Variants in NRXN1 observed in about 807,000 individuals in gnomAD.
The protein encoded by NRXN1 is neurexin 1.
A neutral mutation model predicts 150.9 loss-of-function variants in NRXN1; 39 were observed. The observed-to-expected ratio is 0.26, with a 90% confidence interval of 0.20 to 0.34. The LOEUF (loss-of-function observed/expected upper bound fraction) is 0.34. Ranked by LOEUF, NRXN1 falls within the 10% of genes least tolerant of loss-of-function variation. NRXN1 has a pLI of 1.00. For missense variants in NRXN1, 1,815 were observed against 1,949.9 expected, an observed-to-expected ratio of 0.93 and a Z score of 1.30; for synonymous variants, 924 against 757.0, an observed-to-expected ratio of 1.22 and a Z score of -3.62.
At chr2:50,098,976 A>C (rs1280930917) in intron 18 of NRXN1, among the ~76,000 whole-genome samples, 1 of 151,276 alleles carries the variant, frequency 6.6e-6, no homozygotes, top group Non-Finnish European at 1.5e-5. Flanking sequence ...ATTTAGGAGT[A>C]ATACATTTTT....
intron 15 of NRXN1, among the ~76,000 whole-genome samples, chr2:50,481,760 CT>C (rs758265489): frequency 2.8e-4 from 23 of 82,960 alleles, no homozygotes; most frequent in East Asian, 1.9e-3. Context: ...ACTTTTGTTT[CT>C]TTTTTTTTTT....
chr2:50,069,922 C>G (rs531038830), intron 19 of NRXN1, among the ~76,000 whole-genome samples: 1 of 148,018 alleles, frequency 6.8e-6, no homozygotes, highest in Non-Finnish European at 1.5e-5. Context: ...GCGATCTTGG[C>G]TCACTGCAAG....
intron 17 of NRXN1, among the ~76,000 whole-genome samples, chr2:50,364,107 G>A (rs2079418028): frequency 2.0e-5 from 3 of 152,138 alleles, no homozygotes; most frequent in Admixed American, 2.0e-4. Context: ...GGGAGCAAGG[G>A]GAGGGATAGC....
In NRXN1 at chr2:51,028,462, C is replaced by T. The variant is rs200728783; in HGVS notation, c.-189G>A. 1 of 441,358 alleles carries T rather than the reference C, an allele frequency of 2.3e-6. No homozygotes were observed. Among genetic ancestry groups the T allele is most frequent in the East Asian group, 3.3e-5 (1 of 30,748 alleles). The allele number at this position is 441,358 out of a possible 1,614,324, so 27.3% of individuals were successfully genotyped here. ...TTCTTCCAATAACCCCGCCCTCTCT[C>T]CCTGTAGTCCTCTTCCAACTGGAAA... On this transcript the variant is annotated 5_prime_UTR_variant, in exon 2 of 23. Coordinates refer to ENST00000401669, the MANE Select transcript of NRXN1 (RefSeq NM_001330078.2).
At chr2:50,827,834 C>A in intron 5 of NRXN1, among the ~76,000 whole-genome samples, 1 of 150,510 alleles carries the variant, frequency 6.6e-6, no homozygotes, top group Non-Finnish European at 1.5e-5. Flanking sequence ...CTTCAAGCAT[C>A]TGTTTAACAA....
intron 5 of NRXN1, among the ~76,000 whole-genome samples, chr2:50,756,729 T>G (rs150443266): frequency 5.2e-3 from 797 of 151,974 alleles, no homozygotes; most frequent in Non-Finnish European, 9.5e-3. Context: ...AAAAAATTTC[T>G]CATGTTAAGA....
chr2:50,288,487 C>G (rs1167822740), intron 17 of NRXN1, among the ~76,000 whole-genome samples: 1 of 152,206 alleles, frequency 6.6e-6, no homozygotes, highest in African/African-American at 2.4e-5. Context: ...TTGTATTAGT[C>G]TATTCTCATG....
intron 5 of NRXN1, among the ~76,000 whole-genome samples, chr2:50,914,725 A>C (rs1684977999): frequency 6.6e-6 from 1 of 151,698 alleles, no homozygotes; most frequent in African/African-American, 2.4e-5. Flanking sequence ...TCTTCATAGA[A>C]AGATTTACCT....
At chr2:50,489,746 T>G (rs1355176785) in intron 15 of NRXN1, among the ~76,000 whole-genome samples, 1 of 152,046 alleles carries the variant, frequency 6.6e-6, no homozygotes, top group Admixed American at 6.6e-5. Flanking sequence ...GTAAAATGGG[T>G]GAAGGAATTT....
intron 5 of NRXN1, among the ~76,000 whole-genome samples, chr2:50,666,429 G>C (rs574367957): frequency 2.0e-5 from 3 of 151,780 alleles, no homozygotes; most frequent in Non-Finnish European, 4.4e-5. Context: ...TATAGGGTAG[G>C]TATATGTTTA....
intron 18 of NRXN1, among the ~76,000 whole-genome samples, chr2:50,227,412 T>TGA (rs2064500906): frequency 6.6e-6 from 1 of 151,894 alleles, no homozygotes; most frequent in Non-Finnish European, 1.5e-5. Context: ...TGCTACCAGG[T>TGA]GAGAGGTGGA....
chr2:50,325,494 G>A (rs1020914836), intron 17 of NRXN1, among the ~76,000 whole-genome samples: 2 of 152,184 alleles, frequency 1.3e-5, no homozygotes, highest in African/African-American at 4.8e-5. Flanking sequence ...CTGGAATATC[G>A]TAAGATGGTA....
intron 5 of NRXN1, among the ~76,000 whole-genome samples, chr2:50,808,934 A>C (rs1043754393): frequency 6.6e-6 from 1 of 152,128 alleles, no homozygotes; most frequent in Non-Finnish European, 1.5e-5. Flanking sequence ...CTGACTCATA[A>C]AATTTCCTTA....
chr2:50,915,935 C>G (rs999016969), intron 5 of NRXN1, among the ~76,000 whole-genome samples: 1 of 149,168 alleles, frequency 6.7e-6, no homozygotes, highest in South Asian at 2.1e-4. Context: ...CAGTAAGGAA[C>G]AAATCTGGAA....
intron 12 of NRXN1, 66 bp from the exon 13 acceptor site, chr2:50,506,683 G>A: frequency 6.4e-7 from 1 of 1,557,744 alleles, no homozygotes. Flanking sequence ...ACCTCACAGA[G>A]AGTGAGAGAA....
At chr2:50,373,682 A>AAG (rs1558620513) in intron 17 of NRXN1, among the ~76,000 whole-genome samples, 10 of 109,638 alleles carry the variant, frequency 9.1e-5, no homozygotes, top group African/African-American at 3.5e-4. Context: ...AAGAAAGAAA[A>AAG]GAAAGAAGGA....
Position 50,320,279 on chromosome 2 carries a change from C to G in NRXN1, c.3365-83309G>C, listed in dbSNP as rs549065308. ...AAGGTATTCATTTATTCTTATACCT[C>G]AATCATATATATATATATATATATA... On this transcript the variant is annotated intron_variant, in intron 17 of 22. Coordinates refer to ENST00000401669, the MANE Select transcript of NRXN1 (RefSeq NM_001330078.2). Among the ~76,000 whole-genome samples the G allele has an allele frequency of 6.8e-3, 482 of 70,544 alleles. 3 individuals carry two copies. The highest frequency in any genetic ancestry group is 0.027 in the African/African-American group (463 of 17,330). The allele number at this position is 70,544 out of a possible 152,430, so 46.3% of individuals were successfully genotyped here. A position where few individuals can be genotyped will look rare whatever the true frequency, so the allele number is the denominator to read the frequency against.
intron 5 of NRXN1, among the ~76,000 whole-genome samples, chr2:50,742,182 C>T (rs1320922960): frequency 6.6e-6 from 1 of 151,834 alleles, no homozygotes; most frequent in African/African-American, 2.4e-5. Flanking sequence ...AAAGCTTAAA[C>T]CTTTGACTAA....
intron 18 of NRXN1, among the ~76,000 whole-genome samples, chr2:50,176,859 A>T (rs138858446): frequency 8.1e-4 from 124 of 152,226 alleles, no homozygotes; most frequent in African/African-American, 2.9e-3. Context: ...TCCAGAGCTA[A>T]GACATACAGG....
Sources: allele counts gnomAD v4.1 joint callset (sites outside exome capture counted in the v4.1 genomes callset), GRCh38; gene constraint gnomAD v4.1.1; transcripts MANE v1.5; gene names NCBI Gene and HGNC (gene_info 2026-07-23, HGNC 2026-07-21).